MARCO: variants seen among roughly 807,000 people sequenced by gnomAD.
MARCO encodes macrophage receptor MARCO.
MARCO carries 72 observed loss-of-function variants against 70.0 expected under a neutral mutation model. The ratio of observed to expected loss-of-function variants is 1.03; its 90% CI spans 0.85 to 1.25. The LOEUF is 1.25. MARCO is among the 50% of genes most tolerant of loss of function. The pLI, the probability that MARCO is intolerant of heterozygous loss-of-function variation, is 0.00. For missense variants in MARCO, 696 were observed against 659.3 expected (o/e 1.06, Z -0.61); for synonymous variants, 273 against 243.1 (o/e 1.12, Z -1.14).
At position 118,990,639 on chromosome 2, in the gene MARCO, G is replaced by C; in HGVS notation, c.1108+6G>C. Reference sequence around the variant, plus strand: ...AGGAGAATCAGGAGTTCCAGGTAAAGGGCAGGCTGCATCTTCATCCCTCGG... The same window carrying C: ...AGGAGAATCAGGAGTTCCAGGTAAACGGCAGGCTGCATCTTCATCCCTCGG... On this transcript the variant is annotated splice_donor_region_variant and intron_variant, in intron 13 of 16. Transcript: ENST00000327097. 3.9e-6 allele frequency: 6 copies of C among 1,528,832 alleles called. No homozygotes were observed. Among genetic ancestry groups the C allele is most frequent in the Non-Finnish European group, 5.3e-6 (6 of 1,123,822 alleles). The allele number at this position is 1,528,832 out of a possible 1,614,324, so 94.7% of individuals were successfully genotyped here. A position where few individuals can be genotyped will look rare whatever the true frequency, so the allele number is the denominator to read the frequency against.
chr2:118,986,083 T>G (rs1229419761), intron 12 of MARCO, among the ~76,000 whole-genome samples: 4 of 152,330 alleles, frequency 2.6e-5, no homozygotes, highest in Non-Finnish European at 5.9e-5. Flanking sequence ...GTCCAATAAT[T>G]TATTAAATTC....
intron 12 of MARCO, among the ~76,000 whole-genome samples, chr2:118,983,660 A>T (rs1300878551): frequency 1.3e-5 from 2 of 151,992 alleles, no homozygotes; most frequent in Admixed American, 1.3e-4. Flanking sequence ...GTCCATTCTG[A>T]TCTTATAATT....
chr2:118,957,775 G>C (rs184559646), intron 1 of MARCO, among the ~76,000 whole-genome samples: 34 of 150,972 alleles, frequency 2.3e-4, no homozygotes, highest in Non-Finnish European at 4.0e-4. Context: ...TACTAGTTAT[G>C]GTGGATATCA....
chr2:118,982,093 G>C (rs1680403125), intron 10 of MARCO, 63 bp from the exon 11 acceptor site: 3 of 1,156,558 alleles, frequency 2.6e-6, no homozygotes, highest in South Asian at 2.7e-5. Flanking sequence ...GAAGCACTGG[G>C]GGTTGGGGTA....
At position 118,975,543 on chromosome 2, in the gene MARCO, G is replaced by A. The variant is rs370073084; in HGVS notation, c.613+978G>A. Among the ~76,000 whole-genome samples, 69 of 152,286 alleles carry A rather than the reference G, an allele frequency of 4.5e-4. No homozygotes were observed. The Middle Eastern group carries it at 0.01, about 23-fold the overall frequency. ...GCCTATTGATCTGTGTCCAGCAGGG[G>A]GTTTTCTGAGGAGGGTTTAAGCGGG... On this transcript the variant is annotated intron_variant, in intron 6 of 16. Transcript: ENST00000327097.
intron 2 of MARCO, 76 bp downstream of exon 2, chr2:118,969,337 C>A: frequency 2.6e-6 from 3 of 1,162,096 alleles, no homozygotes; most frequent in Non-Finnish European, 2.6e-6. Context: ...AGATGAAGGG[C>A]TCAGGTTGAG....
At position 118,990,651 on chromosome 2, in the gene MARCO, T is replaced by A. The variant is rs915482501; in HGVS notation, c.1108+18T>A. 2.4e-5 allele frequency: 36 copies of A among 1,503,420 alleles called. No individual in the cohort carries two copies. The highest frequency in any genetic ancestry group is 2.9e-5 in the Non-Finnish European group (32 of 1,109,528). The allele number at this position is 1,503,420 out of a possible 1,614,324, so 93.1% of individuals were successfully genotyped here. On this transcript the variant is annotated intron_variant, in intron 13 of 16. Transcript: ENST00000327097. Reference sequence around the variant, plus strand: ...AGTTCCAGGTAAAGGGCAGGCTGCATCTTCATCCCTCGGAGTGATGACGGG... The same window carrying A: ...AGTTCCAGGTAAAGGGCAGGCTGCAACTTCATCCCTCGGAGTGATGACGGG...
At chr2:118,960,955 G>A (rs1186783023) in intron 1 of MARCO, among the ~76,000 whole-genome samples, 4 of 152,012 alleles carry the variant, frequency 2.6e-5, no homozygotes, top group Admixed American at 2.6e-4. Context: ...TGTTCTCATT[G>A]TTCAGCTCCC....
intron 14 of MARCO, 98 bp from the exon 15 acceptor site, chr2:118,992,334 A>T: frequency 2.1e-6 from 2 of 946,818 alleles, no homozygotes; most frequent in Non-Finnish European, 3.4e-6. Flanking sequence ...GCATCTGACC[A>T]CTCCCAACCC....
chr2:118,985,366 A>G (rs1680465534), intron 12 of MARCO, among the ~76,000 whole-genome samples: 1 of 152,076 alleles, frequency 6.6e-6, no homozygotes, highest in African/African-American at 2.4e-5. Flanking sequence ...TTGGTCACCA[A>G]GCCTTTCTAC....
chr2:118,973,543 C>T (rs1474584133), intron 4 of MARCO, among the ~76,000 whole-genome samples: 2 of 152,220 alleles, frequency 1.3e-5, no homozygotes, highest in African/African-American at 4.8e-5. Flanking sequence ...CCTTTCCCAC[C>T]CAGGGAGGCT....
intron 12 of MARCO, among the ~76,000 whole-genome samples, chr2:118,988,456 A>G (rs1397304157): frequency 2.0e-5 from 3 of 151,946 alleles, no homozygotes; most frequent in Non-Finnish European, 4.4e-5. Flanking sequence ...CACAATCTAT[A>G]TGTCTATGAT....
rs1427285491 is a variant in MARCO, at chr2:118,974,452, T to C, written c.568+12T>C. 6.2e-7 allele frequency: 1 copy of C among 1,612,246 alleles called. No individual in the cohort carries two copies. The highest frequency in any genetic ancestry group is 1.3e-5 in the African/African-American group (1 of 74,878). On this transcript the variant is annotated intron_variant, in intron 5 of 16. Coordinates refer to ENST00000327097, the MANE Select transcript of MARCO (RefSeq NM_006770.4). ...AGATGGAGCAACAGGTACGGGTCTT[T>C]TTCTTCTGACCCTTAATCATTTTCC...
At chr2:118,986,672 G>GGAAGGAAA (rs1680505947) in intron 12 of MARCO, among the ~76,000 whole-genome samples, 1,067 of 48,712 alleles carry the variant, frequency 0.022, 78 homozygotes, top group South Asian at 0.04. Context: ...AAGGAAGGAA[G>GGAAGGAAA]GAAAGAAAGA....
At chr2:118,986,562 G>A (rs10171511) in intron 12 of MARCO, among the ~76,000 whole-genome samples, 5,723 of 112,918 alleles carry the variant, frequency 0.051, 947 homozygotes, top group African/African-American at 0.2. Flanking sequence ...GGAAGGAAGG[G>A]AGGGAGGGAG....
intron 1 of MARCO, among the ~76,000 whole-genome samples, chr2:118,944,438 G>T (rs891825650): frequency 4.6e-5 from 7 of 152,094 alleles, no homozygotes; most frequent in African/African-American, 1.7e-4. Context: ...GGCCGGCTCT[G>T]CACATTACTT....
chr2:118,985,441 T>C (rs2104602263), intron 12 of MARCO, among the ~76,000 whole-genome samples: 1 of 152,238 alleles, frequency 6.6e-6, no homozygotes, highest in Admixed American at 6.5e-5. Context: ...TGTTTGCATC[T>C]CTTGAGAGAG....
intron 1 of MARCO, among the ~76,000 whole-genome samples, chr2:118,951,564 G>A (rs940155032): frequency 3.9e-5 from 6 of 152,180 alleles, no homozygotes; most frequent in African/African-American, 1.4e-4. Flanking sequence ...AATGCATTTG[G>A]GCCATCTACG....
chr2:118,955,567 G>C (rs1363614151), intron 1 of MARCO, among the ~76,000 whole-genome samples: 3 of 152,156 alleles, frequency 2.0e-5, no homozygotes, highest in Non-Finnish European at 2.9e-5. Flanking sequence ...GGCCTTCCCA[G>C]AGACTTAGAC....
Sources: allele counts gnomAD v4.1 joint callset (sites outside exome capture counted in the v4.1 genomes callset), GRCh38; gene constraint gnomAD v4.1.1; transcripts MANE v1.5; gene names NCBI Gene and HGNC (gene_info 2026-07-23, HGNC 2026-07-21).